The following MRTFB variants were observed in gnomAD, a reference collection of about 807,000 sequenced individuals.
MRTFB encodes myocardin related transcription factor B, also known as myocardin-related transcription factor B.
In MRTFB, 29 loss-of-function variants were observed where a neutral mutation model predicts 104.2. The ratio of observed to expected loss-of-function variants is 0.28; its 90% CI spans 0.21 to 0.38. The LOEUF (loss-of-function observed/expected upper bound fraction) is 0.38, where lower values mean the gene tolerates loss of function less well. MRTFB is among the 10% of genes least tolerant of loss of function. The pLI is 1.00. For synonymous variants in MRTFB, 535 were observed against 519.5 expected, an observed-to-expected ratio of 1.03 and a Z score of -0.41; for missense variants, 1,270 against 1,341.6, an observed-to-expected ratio of 0.95 and a Z score of 0.83.
the MRTFB span, among the ~76,000 whole-genome samples, chr16:14,015,236 A>G: frequency 5.3e-5 from 8 of 152,212 alleles, no homozygotes; most frequent in African/African-American, 1.7e-4. Flanking sequence ...AAGTTTGGAA[A>G]CGAATGCACA....
the MRTFB span, among the ~76,000 whole-genome samples, chr16:14,062,894 G>C: frequency 6.6e-6 from 1 of 152,094 alleles, no homozygotes; most frequent in Non-Finnish European, 1.5e-5. Flanking sequence ...CTGGGAGCTC[G>C]ACCCTGCAAC....
intron 3 of MRTFB, among the ~76,000 whole-genome samples, chr16:14,165,112 T>C (rs1362087382): frequency 6.6e-6 from 1 of 151,966 alleles, no homozygotes; most frequent in Middle Eastern, 3.2e-3. Context: ...TTTGTTCCAA[T>C]GCTTAGTTTC....
chr16:14,029,419 A>AAT, the MRTFB span, among the ~76,000 whole-genome samples: 144 of 88,890 alleles, frequency 1.6e-3, no homozygotes, highest in East Asian at 0.02. Flanking sequence ...AAAAAAAAAA[A>AAT]ATATATATAT....
rs1363475045 is a variant in MRTFB at position 14,207,154 on chromosome 16, A to G, written c.155-3089A>G. Among the ~76,000 whole-genome samples the G allele has an allele frequency of 3.9e-5, 6 of 152,310 alleles. No homozygotes were observed. The East Asian group carries it at 1.2e-3, about 29-fold the overall frequency. On this transcript the variant is annotated intron_variant, in intron 3 of 16. Transcript: ENST00000571589. ...ATGTGCCTGGGGGAGGCCGATGGCC[A>G]CAGCTGCTTTGAATAATACTTGTAG...
chr16:14,182,239 G>A (rs147606163), intron 3 of MRTFB, among the ~76,000 whole-genome samples: 15 of 152,296 alleles, frequency 9.8e-5, no homozygotes, highest in East Asian at 7.7e-4. Flanking sequence ...CAGCTGCCCC[G>A]TGGGAGAGGG....
intron 3 of MRTFB, chr16:14,187,106 C>G: frequency 7.8e-7 from 1 of 1,274,532 alleles, no homozygotes; most frequent in South Asian, 1.3e-5. Flanking sequence ...GCGTGTCTGT[C>G]TGTTACCATG....
the MRTFB span, among the ~76,000 whole-genome samples, chr16:14,029,732 C>G: frequency 6.6e-6 from 1 of 152,026 alleles, no homozygotes; most frequent in Non-Finnish European, 1.5e-5. Flanking sequence ...CTCCACCCCC[C>G]GTGTCTGTCT....
At chr16:14,115,579 T>G (rs1008386039) in intron 2 of MRTFB, among the ~76,000 whole-genome samples, 1 of 152,236 alleles carries the variant, frequency 6.6e-6, no homozygotes, top group Non-Finnish European at 1.5e-5. Context: ...ATACAGGTTT[T>G]TTTGAATTTT....
At position 14,191,558 on chromosome 16, in the gene MRTFB, C is replaced by G. The variant is rs143919198; in HGVS notation, c.155-18685C>G. Among the ~76,000 whole-genome samples the G allele has an allele frequency of 6.0e-3, 908 of 152,340 alleles. 8 individuals are homozygous for G. The highest frequency in any genetic ancestry group is 0.021 in the African/African-American group (866 of 41,582). ...TATTTCTTGGAGAAAGAATTGTTGT[C>G]TGGCCTGTTTGTCCCCCTCATCCCC... On this transcript the variant is annotated intron_variant, in intron 3 of 16. Transcript: ENST00000571589.
At chr16:14,224,042 G>T (rs923146925) in intron 8 of MRTFB, among the ~76,000 whole-genome samples, 2 of 152,186 alleles carry the variant, frequency 1.3e-5, no homozygotes, top group South Asian at 4.1e-4. Flanking sequence ...TACAGTCACA[G>T]TAGAAGGGTG....
chr16:14,090,879 G>GGTGTGT (rs55685117), intron 2 of MRTFB, among the ~76,000 whole-genome samples: 6,233 of 141,732 alleles, frequency 0.044, 228 homozygotes, highest in African/African-American at 0.093. Context: ...AGTTCAGCAT[G>GGTGTGT]GTGTGTGTGT....
intron 1 of MRTFB, among the ~76,000 whole-genome samples, chr16:14,072,904 G>A (rs1344455097): frequency 1.3e-5 from 2 of 152,104 alleles, no homozygotes; most frequent in Admixed American, 1.3e-4. Context: ...TCACACACTC[G>A]AAGGGACAAT....
At chr16:14,098,655 C>G (rs2035528961) in intron 2 of MRTFB, among the ~76,000 whole-genome samples, 1 of 152,100 alleles carries the variant, frequency 6.6e-6, no homozygotes, top group Non-Finnish European at 1.5e-5. Flanking sequence ...AAGGTATCTC[C>G]TTTGTTTTCT....
At chr16:14,107,656 C>A (rs1004220627) in intron 2 of MRTFB, among the ~76,000 whole-genome samples, 6 of 152,166 alleles carry the variant, frequency 3.9e-5, no homozygotes, top group African/African-American at 1.4e-4. Flanking sequence ...GTGCCAGCTA[C>A]TGTGTTAGAA....
chr16:14,076,443 C>G (rs537412239), intron 1 of MRTFB, among the ~76,000 whole-genome samples: 16 of 152,212 alleles, frequency 1.1e-4, no homozygotes, highest in African/African-American at 3.6e-4. Context: ...TATCCACCTG[C>G]ATCGGCCTCC....
chr16:14,128,058 A>G (rs1273379599), intron 2 of MRTFB, among the ~76,000 whole-genome samples: 1 of 151,334 alleles, frequency 6.6e-6, no homozygotes, highest in Non-Finnish European at 1.5e-5. Context: ...CAAAAGAGAA[A>G]AGATTTATTC....
the MRTFB span, among the ~76,000 whole-genome samples, chr16:14,036,992 C>A: frequency 1.9e-4 from 29 of 151,246 alleles, no homozygotes; most frequent in East Asian, 3.3e-3. Flanking sequence ...TTCCAGAAAT[C>A]TGGTTTTTAT....
chr16:14,243,882 C>CAA (rs1049007478), intron 10 of MRTFB, among the ~76,000 whole-genome samples: 1 of 96,738 alleles, frequency 1.0e-5, no homozygotes, highest in East Asian at 4.0e-4. Flanking sequence ...TTTTTTGAGA[C>CAA]AGAGTCTCAC....
At chr16:14,221,778 CTTTTTTTTTT>C (rs34467645) in intron 8 of MRTFB, among the ~76,000 whole-genome samples, 1 of 70,824 alleles carries the variant, frequency 1.4e-5, no homozygotes, top group Non-Finnish European at 2.9e-5. Flanking sequence ...TATTTCTTTC[CTTTTTTTTTT>C]TTTTTTTTTT....
Sources: gnomAD v4.1 joint callset for allele counts (sites outside exome capture counted in the v4.1 genomes callset) on GRCh38, gnomAD v4.1.1 for gene constraint, MANE v1.5 for transcripts, NCBI Gene and HGNC (gene_info 2026-07-23, HGNC 2026-07-21) for gene names.